The following ARHGAP10 variants were observed in gnomAD, a reference collection of about 807,000 sequenced individuals.
The protein encoded by ARHGAP10 is rho GTPase-activating protein 10.
A neutral mutation model predicts 108.6 loss-of-function variants in ARHGAP10; 87 were observed. The ratio of observed to expected loss-of-function variants is 0.80; its 90% CI spans 0.67 to 0.96. The LOEUF (loss-of-function observed/expected upper bound fraction) is 0.96, where lower values mean the gene tolerates loss of function less well. ARHGAP10 is among the 40% of genes least tolerant of loss of function. The pLI, the probability that ARHGAP10 is intolerant of heterozygous loss-of-function variation, is 0.00. For synonymous variants in ARHGAP10, 347 were observed against 341.1 expected, an observed-to-expected ratio of 1.02 and a Z score of -0.19; for missense variants, 939 against 954.5, an observed-to-expected ratio of 0.98 and a Z score of 0.21.
At chr4:148,037,082 C>T (rs1728410022) in intron 19 of ARHGAP10, among the ~76,000 whole-genome samples, 1 of 152,158 alleles carries the variant, frequency 6.6e-6, no homozygotes, top group South Asian at 2.1e-4. Flanking sequence ...CTTATGGTAA[C>T]TTTGGGGATC....
chr4:147,900,259 AT>A (rs1028737854), intron 10 of ARHGAP10, among the ~76,000 whole-genome samples: 1 of 151,906 alleles, frequency 6.6e-6, no homozygotes, highest in East Asian at 1.9e-4. Flanking sequence ...TTGTATTTGT[AT>A]TTTTTTTCTG....
At chr4:147,821,934 T>A (rs1246278854) in intron 1 of ARHGAP10, among the ~76,000 whole-genome samples, 3 of 152,242 alleles carry the variant, frequency 2.0e-5, no homozygotes, top group African/African-American at 7.2e-5. Context: ...GTGCCAACCT[T>A]ATGCAAATTA....
intron 13 of ARHGAP10, among the ~76,000 whole-genome samples, chr4:147,915,609 T>G (rs1173743026): frequency 6.6e-6 from 1 of 152,210 alleles, no homozygotes; most frequent in Non-Finnish European, 1.5e-5. Context: ...TTGAATATGT[T>G]TTTATAAGTA....
chr4:147,803,366 A>G (rs763288391), intron 1 of ARHGAP10, among the ~76,000 whole-genome samples: 5 of 152,174 alleles, frequency 3.3e-5, no homozygotes, highest in Non-Finnish European at 7.3e-5. Context: ...GATACATGTG[A>G]TATTTTGATA....
chr4:148,064,610 A>C, intron 22 of ARHGAP10, 103 bp downstream of exon 22: 3 of 1,026,658 alleles, frequency 2.9e-6, no homozygotes, highest in Non-Finnish European at 4.4e-6. Flanking sequence ...CGGGAGGGCG[A>C]GTCTCCCCCT....
At chr4:147,755,204 A>G (rs1729317847) in intron 1 of ARHGAP10, among the ~76,000 whole-genome samples, 1 of 152,148 alleles carries the variant, frequency 6.6e-6, no homozygotes, top group South Asian at 2.1e-4. Flanking sequence ...AGTTTTTGTT[A>G]TTTTAAGAAC....
chr4:147,938,207 A>G (rs900129911), intron 13 of ARHGAP10, among the ~76,000 whole-genome samples: 32 of 151,694 alleles, frequency 2.1e-4, no homozygotes, highest in African/African-American at 7.0e-4. Flanking sequence ...ACTGAGGCCT[A>G]TGGGAGGGTG....
In ARHGAP10 at chr4:147,905,670, G is replaced by T. The variant is rs575969290; in HGVS notation, c.1035-968G>T. ...ATAGTTTGAAGTCAGGTAGCGTGAT[G>T]CCTCCAGCTTTGTTCTTTTGGCTTA... On this transcript the variant is annotated intron_variant, in intron 10 of 22. Coordinates refer to ENST00000336498, the MANE Select transcript of ARHGAP10 (RefSeq NM_024605.4). 2.1e-4 allele frequency among the ~76,000 whole-genome samples: 31 copies of T among 146,022 alleles called. 1 individual carries two copies. The South Asian group carries it at 7.2e-3, about 34-fold the overall frequency.
chr4:148,063,958 C>T (rs11733219), intron 21 of ARHGAP10, among the ~76,000 whole-genome samples: 78,919 of 151,874 alleles, frequency 0.52, 22,695 homozygotes, highest in East Asian at 0.83. Flanking sequence ...CCTTCTAGAG[C>T]GGTGGCCACC....
intron 5 of ARHGAP10, among the ~76,000 whole-genome samples, chr4:147,858,739 C>T (rs1734197764): frequency 6.6e-6 from 1 of 152,150 alleles, no homozygotes; most frequent in Non-Finnish European, 1.5e-5. Flanking sequence ...TTTTACAGGC[C>T]CCCTTTATGC....
At position 147,732,448 on chromosome 4, in the gene ARHGAP10, G is replaced by A. The variant is rs1051071099; in HGVS notation, c.147G>A (p.Ala49=). The A allele has an allele frequency of 5.0e-6, 8 of 1,612,098 alleles. No homozygotes were observed. Among genetic ancestry groups the A allele is most frequent in the Non-Finnish European group, 5.9e-6 (7 of 1,178,992 alleles). ...AGGACGGGAAGAACCTCATCGCTGC[G>A]ACGAAAAGTAAGCGGGGACGCGGGC... is the stretch of plus-strand genomic sequence containing the variant. The part of the protein sequence containing the change: ...LIKDGKNLIA[A]TKSLSVAQRK... The change falls in exon 1 of 23, where the codon GCG becomes GCA. Residue 49 remains alanine, a synonymous_variant. Transcript: ENST00000336498.
At chr4:147,927,528 A>T (rs2126943630) in intron 13 of ARHGAP10, among the ~76,000 whole-genome samples, 1 of 152,326 alleles carries the variant, frequency 6.6e-6, no homozygotes, top group African/African-American at 2.4e-5. Flanking sequence ...CAGTCTCCAT[A>T]AAACTCGGTA....
intron 1 of ARHGAP10, among the ~76,000 whole-genome samples, chr4:147,815,633 G>T (rs1732210604): frequency 1.3e-5 from 2 of 152,134 alleles, no homozygotes; most frequent in East Asian, 1.9e-4. Flanking sequence ...AAGGCAGGGG[G>T]ATCACTTGAC....
In ARHGAP10 at chr4:147,764,659, A is replaced by G. The variant is rs553083952; in HGVS notation, c.154+32204A>G. On this transcript the variant is annotated intron_variant, in intron 1 of 22. Transcript: ENST00000336498. Reference sequence around the variant, plus strand: ...AGGGATTCTCGTGCCTCAGCCTCCCAAGTAGCTGGGGTTTATAGGCGTGCA... The same window carrying G: ...AGGGATTCTCGTGCCTCAGCCTCCCGAGTAGCTGGGGTTTATAGGCGTGCA... 3.3e-5 allele frequency among the ~76,000 whole-genome samples: 5 copies of G among 152,126 alleles called. No homozygotes were observed. In the South Asian group the frequency reaches 8.3e-4, roughly 25 times the overall value.
intron 18 of ARHGAP10, among the ~76,000 whole-genome samples, chr4:147,991,524 A>G (rs908361706): frequency 6.6e-6 from 1 of 152,186 alleles, no homozygotes; most frequent in Non-Finnish European, 1.5e-5. Context: ...TAAGTGCCCA[A>G]GGTTTTTGTT....
At chr4:147,953,626 T>G (rs1290386004) in intron 15 of ARHGAP10, among the ~76,000 whole-genome samples, 1 of 58,018 alleles carries the variant, frequency 1.7e-5, no homozygotes, top group Non-Finnish European at 7.6e-5. Flanking sequence ...ATTCCTGGTG[T>G]TGTTTGTTTT....
At chr4:147,906,533 C>T in intron 10 of ARHGAP10, 105 bp from the exon 11 acceptor site, 1 of 1,016,264 alleles carries the variant, frequency 9.8e-7, no homozygotes, top group Non-Finnish European at 1.4e-6. Context: ...ATGTATTTTA[C>T]CACAGATAAA....
chr4:147,747,826 A>C (rs1187989159), intron 1 of ARHGAP10, among the ~76,000 whole-genome samples: 3 of 152,220 alleles, frequency 2.0e-5, no homozygotes, highest in Non-Finnish European at 4.4e-5. Flanking sequence ...TTGTGGGTGA[A>C]GACTGAAGAC....
intron 5 of ARHGAP10, among the ~76,000 whole-genome samples, chr4:147,858,982 C>T (rs1298345437): frequency 1.3e-5 from 2 of 152,178 alleles, no homozygotes; most frequent in South Asian, 2.1e-4. Flanking sequence ...GTGTCCACTT[C>T]TCATGACTCG....
Sources: gnomAD v4.1 joint callset for allele counts (sites outside exome capture counted in the v4.1 genomes callset) on GRCh38, gnomAD v4.1.1 for gene constraint, MANE v1.5 for transcripts, NCBI Gene and HGNC (gene_info 2026-07-23, HGNC 2026-07-21) for gene names.